Variants in MAGI1 observed in about 807,000 individuals in gnomAD.
MAGI1 encodes the protein membrane associated guanylate kinase, WW and PDZ domain containing 1, also known as membrane-associated guanylate kinase, WW and PDZ domain-containing protein 1.
In MAGI1, 58 loss-of-function variants were observed where a neutral mutation model predicts 139.9. That is an observed-to-expected ratio of 0.41 (90% CI 0.34 to 0.52). MAGI1 has a LOEUF of 0.52. Ranked by LOEUF, MAGI1 falls within the 20% of genes least tolerant of loss-of-function variation. MAGI1 has a pLI of 0.12. For synonymous variants in MAGI1, 812 were observed against 737.9 expected (o/e 1.10, Z -1.63); for missense variants, 1,874 against 1,901.6 (o/e 0.99, Z 0.27).
At chr3:65,864,068 T>G (rs773130882) in intron 1 of MAGI1, among the ~76,000 whole-genome samples, 4 of 151,804 alleles carry the variant, frequency 2.6e-5, no homozygotes, top group Admixed American at 2.0e-4. Flanking sequence ...AGTGAATGAA[T>G]AAACATTCAA....
chr3:65,521,356 A>C (rs2078146208), intron 2 of MAGI1, among the ~76,000 whole-genome samples: 1 of 152,202 alleles, frequency 6.6e-6, no homozygotes, highest in South Asian at 2.1e-4. Flanking sequence ...ATATTAAACA[A>C]CCAGCCTTCA....
Position 65,513,106 on chromosome 3 carries a change from AC to A in MAGI1, c.431-19476del, listed in dbSNP as rs1461874312. On this transcript the variant is annotated intron_variant, in intron 2 of 22. Transcript: ENST00000402939. ...AAAAAGCCTTTGACAAAATTCAACA[AC>A]CCTTCATGCTAAAACCTCTCAATAA... Among the ~76,000 whole-genome samples the A allele has an allele frequency of 2.1e-3, 92 of 43,090 alleles. 5 individuals are homozygous for A. The highest frequency in any genetic ancestry group is 4.2e-3 in the Admixed American group (13 of 3,098). The allele number at this position is 43,090 out of a possible 152,430, so 28.3% of individuals were successfully genotyped here. A position where few individuals can be genotyped will look rare whatever the true frequency, so the allele number is the denominator to read the frequency against.
In MAGI1 at chr3:65,502,310, T is replaced by A. The variant is rs188073443; in HGVS notation, c.431-8679A>T. On this transcript the variant is annotated intron_variant, in intron 2 of 22. Transcript: ENST00000402939. ...TAAGGCTCTGAGCCCGAGGTCTGAA[T>A]TATCCTATTATCACAAAAGGGGATT... is the stretch of plus-strand genomic sequence containing the variant. 1.6e-4 allele frequency among the ~76,000 whole-genome samples: 25 copies of A among 152,392 alleles called. No individual in the cohort carries two copies. The East Asian group carries it at 4.4e-3, about 27-fold the overall frequency.
intron 14 of MAGI1, among the ~76,000 whole-genome samples, chr3:65,389,673 A>C (rs1178224347): frequency 6.6e-6 from 1 of 152,228 alleles, no homozygotes; most frequent in African/African-American, 2.4e-5. Context: ...CATCCACTGC[A>C]TATGAGGTCA....
chr3:65,825,543 C>A (rs1351760401), intron 1 of MAGI1, among the ~76,000 whole-genome samples: 1 of 151,534 alleles, frequency 6.6e-6, no homozygotes, highest in Non-Finnish European at 1.5e-5. Flanking sequence ...TACTTCCTAG[C>A]TACTAGTGAG....
chr3:65,497,687 T>C (rs549929298), intron 2 of MAGI1, among the ~76,000 whole-genome samples: 3 of 152,356 alleles, frequency 2.0e-5, no homozygotes, highest in Admixed American at 6.5e-5. Flanking sequence ...TTTGCCATTC[T>C]TTCAATGATG....
chr3:65,358,595 AG>A (rs1426520698), intron 22 of MAGI1, among the ~76,000 whole-genome samples: 1 of 152,216 alleles, frequency 6.6e-6, no homozygotes, highest in Non-Finnish European at 1.5e-5. Context: ...ATAAAAACAC[AG>A]GCAACACAAA....
At chr3:65,783,549 A>G (rs1368825434) in intron 1 of MAGI1, among the ~76,000 whole-genome samples, 3 of 152,060 alleles carry the variant, frequency 2.0e-5, no homozygotes, top group Non-Finnish European at 2.9e-5. Flanking sequence ...GCTGGAGTGC[A>G]GTGGCACGAT....
chr3:66,010,077 C>CAAAA lies in MAGI1; in HGVS notation c.313+27915_313+27918dup, dbSNP rs60882502. 1.5e-3 allele frequency among the ~76,000 whole-genome samples: 107 copies of CAAAA among 69,774 alleles called. 15 individuals are homozygous for CAAAA. The highest frequency in any genetic ancestry group is 2.6e-3 in the African/African-American group (44 of 17,046). The allele number at this position is 69,774 out of a possible 152,430, so 45.8% of individuals were successfully genotyped here. A position where few individuals can be genotyped will look rare whatever the true frequency, so the allele number is the denominator to read the frequency against. ...GGTGACAAAGTGATACTCTCTGTCT[C>CAAAA]AAAAAAAAAAAAAAAAAAAAAAAAA... On this transcript the variant is annotated intron_variant, in intron 1 of 22. Coordinates refer to ENST00000402939, the MANE Select transcript of MAGI1 (RefSeq NM_001033057.2).
chr3:65,837,993 T>C (rs1053395281), intron 1 of MAGI1, among the ~76,000 whole-genome samples: 2 of 152,184 alleles, frequency 1.3e-5, no homozygotes, highest in African/African-American at 2.4e-5. Flanking sequence ...GATTCCCCCA[T>C]AGGTTCCATC....
In MAGI1 at chr3:65,525,969, C is replaced by G. The variant is rs7628209; in HGVS notation, c.431-32338G>C. ...ACTTCACCAAGTCACAGGGGGAAAT[C>G]ACAATTTATAGAAAATGTATATGGA... On this transcript the variant is annotated intron_variant, in intron 2 of 22. Coordinates refer to ENST00000402939, the MANE Select transcript of MAGI1 (RefSeq NM_001033057.2). Among the ~76,000 whole-genome samples, 1,115 of 152,232 alleles carry G rather than the reference C, an allele frequency of 7.3e-3. 14 individuals are homozygous for G. The highest frequency in any genetic ancestry group is 0.026 in the African/African-American group (1,064 of 41,538).
At chr3:65,629,917 A>G (rs944154761) in intron 1 of MAGI1, among the ~76,000 whole-genome samples, 3 of 152,220 alleles carry the variant, frequency 2.0e-5, no homozygotes, top group African/African-American at 7.2e-5. Flanking sequence ...TACTTAAGAA[A>G]GGGAAAAATG....
rs893723929 is a variant in MAGI1 at position 65,908,427 on chromosome 3, G to A, written c.313+129569C>T. 2.5e-4 allele frequency among the ~76,000 whole-genome samples: 38 copies of A among 151,922 alleles called. 1 individual carries two copies. The highest frequency in any genetic ancestry group is 5.9e-5 in the Non-Finnish European group (4 of 67,994). Reference sequence around the variant, plus strand: ...CAAGCAATTCTCTGCTGGAATTACAGGCACCCACTACCACACCCGGCTAAT... The same window carrying A: ...CAAGCAATTCTCTGCTGGAATTACAAGCACCCACTACCACACCCGGCTAAT... On this transcript the variant is annotated intron_variant, in intron 1 of 22. Transcript: ENST00000402939.
chr3:65,454,987 T>C (rs1222085810), intron 5 of MAGI1, among the ~76,000 whole-genome samples: 3 of 152,150 alleles, frequency 2.0e-5, no homozygotes, highest in African/African-American at 7.2e-5. Flanking sequence ...TGCTGAGACA[T>C]CACAGAACTG....
intron 1 of MAGI1, among the ~76,000 whole-genome samples, chr3:65,673,356 G>A (rs1409881837): frequency 6.6e-6 from 1 of 152,162 alleles, no homozygotes; most frequent in Non-Finnish European, 1.5e-5. Flanking sequence ...ATCTTGTGCT[G>A]TATACCAGAG....
chr3:65,453,225 T>C (rs774359811), intron 6 of MAGI1, 33 bp downstream of exon 6: 2 of 1,600,160 alleles, frequency 1.2e-6, no homozygotes, highest in Non-Finnish European at 1.7e-6. Context: ...GTGCCCCCAA[T>C]TCACTTAACC....
chr3:65,526,352 A>C (rs1245704760), intron 2 of MAGI1, among the ~76,000 whole-genome samples: 1 of 152,160 alleles, frequency 6.6e-6, no homozygotes, highest in East Asian at 1.9e-4. Context: ...ATTGTATTTC[A>C]TTTGAAATTT....
intron 1 of MAGI1, among the ~76,000 whole-genome samples, chr3:65,957,736 C>T (rs1361247036): frequency 6.6e-6 from 1 of 151,834 alleles, no homozygotes; most frequent in East Asian, 1.9e-4. Context: ...TTCCTGGTTG[C>T]TATTATGTTT....
At chr3:65,612,013 T>A (rs998649266) in intron 2 of MAGI1, among the ~76,000 whole-genome samples, 1 of 152,064 alleles carries the variant, frequency 6.6e-6, no homozygotes, top group Non-Finnish European at 1.5e-5. Flanking sequence ...TGTTTTAATA[T>A]GTGCACAATA....
Sources: allele counts gnomAD v4.1 joint callset (sites outside exome capture counted in the v4.1 genomes callset), GRCh38; gene constraint gnomAD v4.1.1; transcripts MANE v1.5; gene names NCBI Gene and HGNC (gene_info 2026-07-23, HGNC 2026-07-21).